Variants in SSBP3 observed in about 807,000 individuals in gnomAD.
The protein encoded by SSBP3 is single stranded DNA binding protein 3, also known as single-stranded DNA-binding protein 3.
Under a neutral mutation model 69.6 loss-of-function variants are expected in SSBP3, and 5 were observed. The ratio of observed to expected loss-of-function variants is 0.07; its 90% CI spans 0.04 to 0.15. SSBP3 has a LOEUF of 0.15. Among genes scored for constraint, SSBP3 ranks in the 10% least tolerant of loss-of-function variants. SSBP3 has a pLI of 1.00. For missense variants in SSBP3, 312 were observed against 534.0 expected (o/e 0.58, Z 4.10); for synonymous variants, 196 against 193.4 (o/e 1.01, Z -0.11).
At chr1:54,348,967 A>G (rs1569893348) in intron 4 of SSBP3, among the ~76,000 whole-genome samples, 1 of 152,068 alleles carries the variant, frequency 6.6e-6, no homozygotes, top group Non-Finnish European at 1.5e-5. Flanking sequence ...CAGGCTAAAA[A>G]CCCAGCCCGA....
intron 4 of SSBP3, among the ~76,000 whole-genome samples, chr1:54,318,270 C>T (rs1174029069): frequency 6.6e-6 from 1 of 152,110 alleles, no homozygotes. Flanking sequence ...GGCATGCAGG[C>T]TTTATATATG....
rs59809996 is a variant in SSBP3 at position 54,381,382 on chromosome 1, C to CAAAAAA, written c.276+20473_276+20478dup. On this transcript the variant is annotated intron_variant, in intron 4 of 17. Coordinates refer to ENST00000610401, the Ensembl canonical transcript of SSBP3. ...TGGGCGACAGAGTGATACACCATCTCAAAAAAAAAAAAAAAAAAAAAAAAA... is the reference window on the plus strand; with the variant it reads ...TGGGCGACAGAGTGATACACCATCTCAAAAAAAAAAAAAAAAAAAAAAAAAAAAAAA... Among the ~76,000 whole-genome samples the CAAAAAA allele has an allele frequency of 3.9e-4, 27 of 69,454 alleles. 1 individual carries two copies. Among genetic ancestry groups the CAAAAAA allele is most frequent in the South Asian group, 7.1e-4 (1 of 1,404 alleles). The allele number at this position is 69,454 out of a possible 152,430, so 45.6% of individuals were successfully genotyped here.
At position 54,241,931 on chromosome 1, in the gene SSBP3, T is replaced by C. The variant is rs535656912; in HGVS notation, c.765+233A>G. Among the ~76,000 whole-genome samples, 284 of 152,326 alleles carry C rather than the reference T, an allele frequency of 1.9e-3. 2 individuals carry two copies. Among genetic ancestry groups the C allele is most frequent in the Non-Finnish European group, 3.2e-3 (220 of 68,028 alleles). On this transcript the variant is annotated intron_variant, in intron 11 of 17. Coordinates refer to ENST00000610401, the Ensembl canonical transcript of SSBP3. ...TGCTCTCTGAGCCCAGGTTCTCAGC[T>C]TACTCCTTAGAGGAGTGGGCTGGCT...
At chr1:54,311,013 C>G (rs1645992240) in intron 4 of SSBP3, among the ~76,000 whole-genome samples, 1 of 152,212 alleles carries the variant, frequency 6.6e-6, no homozygotes, top group African/African-American at 2.4e-5. Context: ...AATAAGAAAT[C>G]TGTGGCTTGA....
In SSBP3 at chr1:54,257,131, T is replaced by C. The variant is rs754624395; in HGVS notation, c.503A>G (p.Asn168Ser). Reference sequence around the variant, plus strand: ...GAACATGAAAAGGTACAGTACCTGGTTTCCCATTCTGATCGGGGGCCTGGG... The same window carrying C: ...GAACATGAAAAGGTACAGTACCTGGCTTCCCATTCTGATCGGGGGCCTGGG... The change falls in exon 7 of 18, where the codon AAC becomes AGC. Residue 168 changes from asparagine to serine, a missense_variant. Asn to Ser is a conservative substitution (Grantham distance 46). Coordinates refer to ENST00000610401, the Ensembl canonical transcript of SSBP3. The C allele has an allele frequency of 1.3e-5, 21 of 1,603,300 alleles. No individual in the cohort carries two copies. In the Admixed American group the frequency reaches 3.5e-4, roughly 26 times the overall value.
intron 3 of SSBP3, 132 bp downstream of exon 3, chr1:54,404,444 G>T: frequency 9.4e-7 from 1 of 1,067,524 alleles, no homozygotes; most frequent in Non-Finnish European, 1.4e-6. Context: ...GGAGTGCCTC[G>T]AGGTGCCCCG....
intron 4 of SSBP3, among the ~76,000 whole-genome samples, chr1:54,374,933 G>T (rs538230361): frequency 6.6e-6 from 1 of 152,216 alleles, no homozygotes; most frequent in East Asian, 1.9e-4. Context: ...GGCCAGAGAG[G>T]GGGAGGGGAC....
chr1:54,249,398 T>C (rs1451718964), intron 9 of SSBP3, among the ~76,000 whole-genome samples: 1 of 152,160 alleles, frequency 6.6e-6, no homozygotes, highest in African/African-American at 2.4e-5. Flanking sequence ...CAGCATCACA[T>C]TGAGAACTTG....
chr1:54,321,204 G>T (rs550684242), intron 4 of SSBP3, among the ~76,000 whole-genome samples: 10 of 152,354 alleles, frequency 6.6e-5, no homozygotes, highest in South Asian at 6.2e-4. Flanking sequence ...GGCCTTGGGG[G>T]CCCAGCCAGG....
intron 4 of SSBP3, among the ~76,000 whole-genome samples, chr1:54,331,393 T>C (rs1296329605): frequency 6.6e-6 from 1 of 152,188 alleles, no homozygotes; most frequent in Non-Finnish European, 1.5e-5. Flanking sequence ...ACAGGATTAG[T>C]TCAGAAAATC....
At chr1:54,348,246 GC>G (rs1394244850) in intron 4 of SSBP3, among the ~76,000 whole-genome samples, 51 of 105,828 alleles carry the variant, frequency 4.8e-4, no homozygotes, top group African/African-American at 1.1e-3. Context: ...GGCATGGGGG[GC>G]GGGGGGGGGG....
intron 4 of SSBP3, among the ~76,000 whole-genome samples, chr1:54,320,677 T>C (rs1319537116): frequency 3.3e-5 from 5 of 152,128 alleles, no homozygotes; most frequent in African/African-American, 1.2e-4. Flanking sequence ...GGTCAGGAAG[T>C]AGCTGCTGAA....
chr1:54,383,617 A>T (rs1358849294), intron 4 of SSBP3, among the ~76,000 whole-genome samples: 1 of 152,144 alleles, frequency 6.6e-6, no homozygotes, highest in Non-Finnish European at 1.5e-5. Context: ...GACCTGATAA[A>T]ATCGCCACCA....
chr1:54,260,678 A>C (rs1020403009), intron 5 of SSBP3, among the ~76,000 whole-genome samples: 1 of 152,344 alleles, frequency 6.6e-6, no homozygotes, highest in South Asian at 2.1e-4. Context: ...CAAGAAAAAA[A>C]GCTGACAAGC....
chr1:54,291,312 C>T (rs1486681434), intron 4 of SSBP3, among the ~76,000 whole-genome samples: 1 of 152,188 alleles, frequency 6.6e-6, no homozygotes, highest in Non-Finnish European at 1.5e-5. Flanking sequence ...AAAATGTACA[C>T]AGTCTGACAA....
intron 4 of SSBP3, among the ~76,000 whole-genome samples, chr1:54,315,323 T>C (rs1646076080): frequency 6.6e-6 from 1 of 152,138 alleles, no homozygotes; most frequent in Admixed American, 6.5e-5. Context: ...AGCCGCCGCC[T>C]GTCCCTCCTC....
intron 4 of SSBP3, among the ~76,000 whole-genome samples, chr1:54,303,529 T>G (rs1414281484): frequency 3.3e-5 from 5 of 152,172 alleles, no homozygotes; most frequent in African/African-American, 1.2e-4. Flanking sequence ...GACAACTCTA[T>G]GAGGTGCACA....
At chr1:54,341,560 A>G (rs1300281017) in intron 4 of SSBP3, among the ~76,000 whole-genome samples, 1 of 152,164 alleles carries the variant, frequency 6.6e-6, no homozygotes, top group African/African-American at 2.4e-5. Flanking sequence ...CTGGGCAAGG[A>G]TGACCAAGGG....
chr1:54,257,447 C>T (rs1440162429), intron 6 of SSBP3, among the ~76,000 whole-genome samples: 1 of 152,098 alleles, frequency 6.6e-6, no homozygotes, highest in Non-Finnish European at 1.5e-5. Context: ...TGGGACTTTG[C>T]ATAAGAAACG....
Sources: gnomAD v4.1 joint callset for allele counts (sites outside exome capture counted in the v4.1 genomes callset) on GRCh38, gnomAD v4.1.1 for gene constraint, MANE v1.5 for transcripts, NCBI Gene and HGNC (gene_info 2026-07-23, HGNC 2026-07-21) for gene names.